Variants in PLEKHG2 observed in about 807,000 individuals in gnomAD.
PLEKHG2 encodes the protein pleckstrin homology domain-containing family G member 2.
A neutral mutation model predicts 104.4 loss-of-function variants in PLEKHG2; 71 were observed. That is an observed-to-expected ratio of 0.68 (90% CI 0.56 to 0.83). PLEKHG2 has a LOEUF of 0.83. Ranked by LOEUF, PLEKHG2 falls within the 40% of genes least tolerant of loss-of-function variation. The probability of loss-of-function intolerance (pLI) is 0.00; values close to 1 mark genes in which losing one functional copy is unlikely to be tolerated. For synonymous variants in PLEKHG2, 728 were observed against 737.0 expected, an observed-to-expected ratio of 0.99 and a Z score of 0.20; for missense variants, 1,730 against 1,809.4, an observed-to-expected ratio of 0.96 and a Z score of 0.80.
At position 39,417,536 on chromosome 19, in the gene PLEKHG2, C is replaced by T. The variant is rs939306486; in HGVS notation, c.745-19C>T. ...CTGTTTCTCTCCCCATCCCTGCGTG[C>T]CTGGTGGCTGCCTGACAGGAACTAG... On this transcript the variant is annotated intron_variant, in intron 7 of 18. Transcript: ENST00000425673. 6.2e-7 allele frequency: 1 copy of T among 1,612,664 alleles called. No homozygotes were observed. The highest frequency in any genetic ancestry group is 1.7e-5 in the Admixed American group (1 of 59,788).
chr19:39,418,349 C>T (rs1418180452), intron 9 of PLEKHG2, among the ~76,000 whole-genome samples: 5 of 152,048 alleles, frequency 3.3e-5, no homozygotes, highest in South Asian at 2.1e-4. Context: ...GAGGTCAAGG[C>T]GGGCGGATCA....
intron 11 of PLEKHG2, 85 bp downstream of exon 11, chr19:39,419,088 C>T (rs2078656551): frequency 8.1e-7 from 1 of 1,236,604 alleles, no homozygotes; most frequent in Non-Finnish European, 1.1e-6. Context: ...CTGCCCAATG[C>T]CAGAGCAGTC....
At chr19:39,417,124 C>A in intron 7 of PLEKHG2, 124 bp downstream of exon 7, 1 of 1,168,208 alleles carries the variant, frequency 8.6e-7, no homozygotes, top group Non-Finnish European at 1.2e-6. Flanking sequence ...GCTGGGATTA[C>A]AGGCGTGAGC....
chr19:39,413,733 G>A lies in PLEKHG2; in HGVS notation c.-23+321G>A, dbSNP rs926887146. The A allele has an allele frequency of 2.5e-5, 4 of 162,574 alleles. No individual in the cohort carries two copies. The highest frequency in any genetic ancestry group is 4.1e-5 in the Non-Finnish European group (3 of 73,990). 10.1% of individuals were successfully genotyped at this position (162,574 alleles called of 1,614,324 possible). On this transcript the variant is annotated intron_variant, in intron 1 of 18. Coordinates refer to ENST00000425673, the MANE Select transcript of PLEKHG2 (RefSeq NM_022835.3). The surrounding 1 kb of genome is among the most constrained non-coding windows in gnomAD (Gnocchi z 4.5). ...TGGGACCCCGCGGCCTCCCGCCCAC[G>A]GCTTTTCCCAGCCCTGCCCCTCGCC... is the stretch of plus-strand genomic sequence containing the variant.
At position 39,425,277 on chromosome 19, in the gene PLEKHG2, G is replaced by GCCC; in HGVS notation, c.4147_4149dup (p.Pro1383dup). 3.7e-6 allele frequency: 6 copies of GCCC among 1,611,970 alleles called. No individual in the cohort carries two copies. Among genetic ancestry groups the GCCC allele is most frequent in the Non-Finnish European group, 3.4e-6 (4 of 1,179,510 alleles). On this transcript the variant is annotated inframe_insertion, in exon 19 of 19. Coordinates refer to ENST00000425673, the MANE Select transcript of PLEKHG2 (RefSeq NM_022835.3). ...TCACAGGGCCCAGGGGGCTCCTGAT[G>GCCC]CCCCCTTCCACATGTGAGCCAGGAC...
At position 39,419,000 on chromosome 19, in the gene PLEKHG2, C is replaced by G. The variant is rs141080685; in HGVS notation, c.1260C>G (p.Ala420=). The G allele has an allele frequency of 2.1e-4, 337 of 1,610,618 alleles. 1 individual carries two copies. Among genetic ancestry groups the G allele is most frequent in the Non-Finnish European group, 2.3e-4 (269 of 1,179,416 alleles). The change falls in exon 11 of 19, where the codon GCC becomes GCG. Residue 420 remains alanine, a synonymous_variant. Coordinates refer to ENST00000425673, the MANE Select transcript of PLEKHG2 (RefSeq NM_022835.3). ...FFENHPASIP[A]KAKQVLLENS... is the part of the protein sequence containing the mutation. ...AGAACCACCCTGCCTCCATCCCTGCCAAGGTACAGCTCCTGCCGCAGCCGG... is the reference window on the plus strand; with the variant it reads ...AGAACCACCCTGCCTCCATCCCTGCGAAGGTACAGCTCCTGCCGCAGCCGG...
chr19:39,416,954 T>C lies in PLEKHG2; in HGVS notation c.698T>C (p.Leu233Pro). 6.2e-7 allele frequency: 1 copy of C among 1,613,480 alleles called. No individual in the cohort carries two copies. Among genetic ancestry groups the C allele is most frequent in the Non-Finnish European group, 8.5e-7 (1 of 1,179,932 alleles). Residue 233 changes from leucine to proline, a missense_variant, in exon 7 of 19, where the codon CTG becomes CCG. By Grantham distance (98) the Leu-to-Pro change is moderately conservative (BLOSUM62 -3). Coordinates refer to ENST00000425673, the MANE Select transcript of PLEKHG2 (RefSeq NM_022835.3). This position sits in a 1 kb window ranked among gnomAD's most constrained non-coding sequence, Gnocchi z 4.5. ...LRHSLPLQSF[L>P]LKPVQRILKY... is the part of the protein sequence containing the mutation. Reference sequence around the variant, plus strand: ...CACTCGCTGCCCCTGCAGAGCTTCCTGCTGAAACCTGTCCAGCGCATTCTC... The same window carrying C: ...CACTCGCTGCCCCTGCAGAGCTTCCCGCTGAAACCTGTCCAGCGCATTCTC...
rs777072657 is a variant in PLEKHG2 at position 39,422,322 on chromosome 19, C to T, written c.1677+34C>T. On this transcript the variant is annotated intron_variant, in intron 17 of 18. Transcript: ENST00000425673. ...GCTGTCCCATCATGGTGTCCTTGGG[C>T]CTCTGGGTGTGGGCACACAGACCAG... 8.1e-6 allele frequency: 13 copies of T among 1,595,098 alleles called. No individual in the cohort carries two copies. The African/African-American group carries it at 1.6e-4, about 20-fold the overall frequency.
rs778750265 is a variant in PLEKHG2 at position 39,422,734 on chromosome 19, G to A, written c.1680G>A (p.Pro560=). ...LNQRGLRDPG[P]STHDIPKFPG... ...TTGTTCTCCTGTGCCCACTATAGCC[G>A]TCCACCCATGACATTCCCAAGTTCC... The change falls in exon 18 of 19, where the codon CCG becomes CCA. Residue 560 remains proline (P), a splice_region_variant and synonymous_variant. Transcript: ENST00000425673. 19 of 1,518,730 alleles carry A rather than the reference G, an allele frequency of 1.3e-5. No homozygotes were observed. Among genetic ancestry groups the A allele is most frequent in the African/African-American group, 4.2e-5 (3 of 71,714 alleles). 94.1% of individuals were successfully genotyped at this position (1,518,730 alleles called of 1,614,324 possible). A position where few individuals can be genotyped will look rare whatever the true frequency, so the allele number is the denominator to read the frequency against.
Position 39,424,359 on chromosome 19 carries a change from C to T in PLEKHG2, c.3226C>T (p.Gln1076Ter). The T allele has an allele frequency of 2.5e-6, 4 of 1,614,158 alleles. No homozygotes were observed. The highest frequency in any genetic ancestry group is 2.2e-5 in the East Asian group (1 of 44,878). The part of the protein sequence containing the change: ...GPDPVCSQPI[Q>*]PLSWHGSSLD... ...AGACCCTGTCTGCAGTCAACCCATC[C>T]AGCCTTTGTCTTGGCATGGAAGCAG... is the stretch of plus-strand genomic sequence containing the variant. Residue 1076 changes from glutamine (Q) to a stop codon, truncating the protein, a stop_gained, in exon 19 of 19, where the codon CAG (glutamine) becomes TAG (stop). Transcript: ENST00000425673. LOFTEE classifies it low-confidence loss of function (END_TRUNC).
chr19:39,417,743 GCCTTGGGGCGGGT>G, intron 8 of PLEKHG2, 51 bp downstream of exon 8: 2 of 1,491,392 alleles, frequency 1.3e-6, no homozygotes, highest in Admixed American at 1.9e-5. Flanking sequence ...GAGCGAGGGG[GCCTTGGGGCGGGT>G]GGGGGGAAAT....
rs916829711 is a variant in PLEKHG2 at position 39,423,811 on chromosome 19, T to C, written c.2678T>C (p.Leu893Pro). Residue 893 changes from leucine (L) to proline (P), a missense_variant, in exon 19 of 19, where the codon CTG becomes CCG. Coordinates refer to ENST00000425673, the MANE Select transcript of PLEKHG2 (RefSeq NM_022835.3). ...ACATGTGCCCAGGAGTCTGTCCCCC[T>C]GGGTCCTGCTGTCTGGGTTCAAGCT... is the stretch of plus-strand genomic sequence containing the variant. ...PLTCAQESVP[L>P]GPAVWVQAAI... 4.3e-6 allele frequency: 7 copies of C among 1,614,090 alleles called. No individual in the cohort carries two copies. Among genetic ancestry groups the C allele is most frequent in the Non-Finnish European group, 2.5e-6 (3 of 1,180,042 alleles).
rs750383242 is a variant in PLEKHG2 at position 39,424,827 on chromosome 19, C to T, written c.3694C>T (p.Gln1232Ter). The change falls in exon 19 of 19, where the codon CAG (glutamine) becomes TAG (stop). Residue 1232 changes from glutamine (Q) to a stop codon, truncating the protein, a stop_gained. Coordinates refer to ENST00000425673, the MANE Select transcript of PLEKHG2 (RefSeq NM_022835.3). LOFTEE classifies it low-confidence loss of function (END_TRUNC). ...TCAGGGCCTCTCACCCACCCCAGTTCAGACCACCATGGTTTTGTCCAAACC... is the reference window on the plus strand; with the variant it reads ...TCAGGGCCTCTCACCCACCCCAGTTTAGACCACCATGGTTTTGTCCAAACC... ...DIQGLSPTPV[Q>*]TTMVLSKPGG... is the part of the protein sequence containing the mutation. The T allele has an allele frequency of 1.2e-6, 2 of 1,614,222 alleles. No individual in the cohort carries two copies. Among genetic ancestry groups the T allele is most frequent in the African/African-American group, 2.7e-5 (2 of 75,064 alleles).
chr19:39,423,431 G>A lies in PLEKHG2; in HGVS notation c.2377G>A (p.Asp793Asn), dbSNP rs748160123. 6.2e-7 allele frequency: 1 copy of A among 1,610,950 alleles called. No individual in the cohort carries two copies. Among genetic ancestry groups the A allele is most frequent in the Non-Finnish European group, 8.5e-7 (1 of 1,178,382 alleles). Residue 793 changes from aspartate to asparagine, a missense_variant, in exon 18 of 19, where the codon GAT becomes AAT. Coordinates refer to ENST00000425673, the MANE Select transcript of PLEKHG2 (RefSeq NM_022835.3). The part of the protein sequence containing the change: ...GFPEPLLILE[D>N]SDLGGDSGSG... ...CCCAGAGCCACTGCTGATCCTGGAG[G>A]ATTCGGATCTGGGTGGAGACAGCGG...
rs1026145549 is a variant in PLEKHG2 at position 39,413,844 on chromosome 19, T to A, written c.-22-221T>A. On this transcript the variant is annotated intron_variant, in intron 1 of 18. Coordinates refer to ENST00000425673, the MANE Select transcript of PLEKHG2 (RefSeq NM_022835.3). This position sits in a 1 kb window ranked among gnomAD's most constrained non-coding sequence, Gnocchi z 4.5. Reference sequence around the variant, plus strand: ...CGGGACTCGCAGCTTCTGCGCCTCCTGCTCCGCTCACTCTTCTTTGTCTCA... The same window carrying A: ...CGGGACTCGCAGCTTCTGCGCCTCCAGCTCCGCTCACTCTTCTTTGTCTCA... 5.0e-5 allele frequency: 18 copies of A among 356,888 alleles called. No homozygotes were observed. The highest frequency in any genetic ancestry group is 9.0e-5 in the Non-Finnish European group (17 of 187,904). The allele number at this position is 356,888 out of a possible 1,614,324, so 22.1% of individuals were successfully genotyped here.
At chr19:39,414,873 G>A (rs1162028733) in intron 2 of PLEKHG2, 119 bp from the exon 3 acceptor site, 1 of 1,185,514 alleles carries the variant, frequency 8.4e-7, no homozygotes, top group African/African-American at 1.6e-5. Context: ...AGAGGAGGAA[G>A]GAGCCTGTGG....
rs1600653846 is a variant in PLEKHG2, at chr19:39,418,771, C to T, written c.1121C>T (p.Pro374Leu). Residue 374 changes from proline (P) to leucine (L), a missense_variant, in exon 10 of 19, where the codon CCT (proline) becomes CTT (leucine). Coordinates refer to ENST00000425673, the MANE Select transcript of PLEKHG2 (RefSeq NM_022835.3). ...AGCGTGAGCGAGAGTCCCCGAGACC[C>T]TCTAGGGTTCAAGGTGTCTGATCTG... ...NLSVSESPRD[P>L]LGFKVSDLTI... 7 of 1,613,302 alleles carry T rather than the reference C, an allele frequency of 4.3e-6. No individual in the cohort carries two copies. The highest frequency in any genetic ancestry group is 5.9e-6 in the Non-Finnish European group (7 of 1,179,412).
chr19:39,420,795 C>T lies in PLEKHG2; in HGVS notation c.1342C>T (p.Leu448Phe), dbSNP rs1379380107. ...KPVLEPLTPP[L>F]GSPRPRDARS... The stretch of plus-strand genomic sequence containing the variant: ...TGTCCTAGAGCCCCTGACACCCCCA[C>T]TTGGGTCTCCTCGACCTCGAGATGC... The change falls in exon 13 of 19, where the codon CTT (leucine) becomes TTT (phenylalanine). Residue 448 changes from leucine to phenylalanine, a missense_variant. By Grantham distance (22) the Leu-to-Phe change is conservative. Transcript: ENST00000425673. 4.2e-5 allele frequency: 68 copies of T among 1,614,072 alleles called. No homozygotes were observed. The highest frequency in any genetic ancestry group is 5.6e-5 in the Non-Finnish European group (66 of 1,180,042).
rs967666865 is a variant in PLEKHG2, at chr19:39,413,470, A to G, written c.-23+58A>G. On this transcript the variant is annotated intron_variant, in intron 1 of 18. Transcript: ENST00000425673. This position sits in a 1 kb window ranked among gnomAD's most constrained non-coding sequence, Gnocchi z 4.5. ...GGGGGAGGGGGCGGCGCCACTGCTGAACAATGAGGGGGCGTGCCGGCGGGG... is the reference window on the plus strand; with the variant it reads ...GGGGGAGGGGGCGGCGCCACTGCTGGACAATGAGGGGGCGTGCCGGCGGGG... 1.3e-5 allele frequency: 2 copies of G among 151,450 alleles called. No homozygotes were observed. The highest frequency in any genetic ancestry group is 2.9e-5 in the Non-Finnish European group (2 of 67,846). The allele number at this position is 151,450 out of a possible 1,614,324, so 9.4% of individuals were successfully genotyped here.
Sources: gnomAD v4.1 joint callset for allele counts (sites outside exome capture counted in the v4.1 genomes callset) on GRCh38, gnomAD v4.1.1 for gene constraint, Gnocchi (gnomAD v3.1) non-coding constraint, MANE v1.5 for transcripts, NCBI Gene and HGNC (gene_info 2026-07-23, HGNC 2026-07-21) for gene names.